GSN: variants seen among roughly 807,000 people sequenced by gnomAD.
GSN encodes actin-depolymerizing factor.
GSN carries 56 observed loss-of-function variants against 85.7 expected under a neutral mutation model. The observed-to-expected ratio is 0.65, with a 90% CI of 0.53 to 0.82. The LOEUF (loss-of-function observed/expected upper bound fraction) is 0.82. GSN is among the 40% of genes least tolerant of loss of function. The pLI, the probability that GSN is intolerant of heterozygous loss-of-function variation, is 0.00. For synonymous variants in GSN, 373 were observed against 399.1 expected (o/e 0.93, Z 0.78); for missense variants, 857 against 979.8 (o/e 0.87, Z 1.67).
Position 121,326,544 on chromosome 9 carries a change from C to T in GSN, c.1449C>T (p.His483=). Residue 483 remains histidine (H), a synonymous_variant, in exon 13 of 18, where the codon CAC becomes CAT. Coordinates refer to ENST00000432226, the MANE Select transcript of GSN (RefSeq NM_198252.3). ...SRVVQGKEPA[H]LMSLFGGKPM... Reference sequence around the variant, plus strand: ...TGGTCCAAGGCAAGGAGCCCGCCCACCTCATGAGCCTGTTTGGTGGGAAGC... The same window carrying T: ...TGGTCCAAGGCAAGGAGCCCGCCCATCTCATGAGCCTGTTTGGTGGGAAGC... 1 of 1,614,030 alleles carries T rather than the reference C, an allele frequency of 6.2e-7. No homozygotes were observed. Among genetic ancestry groups the T allele is most frequent in the Non-Finnish European group, 8.5e-7 (1 of 1,180,018 alleles).
intron 8 of GSN, 173 bp downstream of exon 8, chr9:121,317,391 C>A: frequency 1.4e-6 from 1 of 722,240 alleles, no homozygotes; most frequent in Non-Finnish European, 2.4e-6. Flanking sequence ...TGATCTTGGG[C>A]ACTTTACTTA....
At chr9:121,289,232 G>T (rs1257194220) in intron 2 of GSN, among the ~76,000 whole-genome samples, 4 of 151,954 alleles carry the variant, frequency 2.6e-5, no homozygotes, top group Non-Finnish European at 5.9e-5. Context: ...GAGTGGGAGG[G>T]GCCCAGCGGA....
intron 4 of GSN, chr9:121,309,414 A>C (rs865848608): frequency 2.0e-5 from 3 of 152,308 alleles, no homozygotes; most frequent in Middle Eastern, 3.4e-3. Flanking sequence ...GAGAGGCCTG[A>C]GGCTCGGAAA....
At chr9:121,306,905 G>C (rs984564338) in intron 4 of GSN, among the ~76,000 whole-genome samples, 1 of 152,246 alleles carries the variant, frequency 6.6e-6, no homozygotes, top group Admixed American at 6.5e-5. Flanking sequence ...ATAAGGCCGG[G>C]TGCGGTGGCT....
intron 1 of GSN, among the ~76,000 whole-genome samples, chr9:121,274,735 T>C (rs1328388845): frequency 6.6e-6 from 1 of 152,150 alleles, no homozygotes; most frequent in South Asian, 2.1e-4. Flanking sequence ...AGGGATATTC[T>C]TGCTAAACCG....
upstream of GSN, among the ~76,000 whole-genome samples, chr9:121,203,773 T>C (rs1299915690): frequency 6.6e-6 from 1 of 152,186 alleles, no homozygotes; most frequent in East Asian, 1.9e-4. Flanking sequence ...TAGTAATATC[T>C]CTCTCAAATA....
rs548843650 is a variant in GSN at position 121,300,979 on chromosome 9, C to A, written c.-9-984C>A. On this transcript the variant is annotated intron_variant, in intron 2 of 17. Coordinates refer to ENST00000432226, the MANE Select transcript of GSN (RefSeq NM_198252.3). ...GCTAGCGCCTGCTGTCTGCCAGGCCCCGTGCTGGAAATCTTTCCACTTCCA... is the reference window on the plus strand; with the variant it reads ...GCTAGCGCCTGCTGTCTGCCAGGCCACGTGCTGGAAATCTTTCCACTTCCA... 1.6e-3 allele frequency among the ~76,000 whole-genome samples: 238 copies of A among 152,300 alleles called. 1 individual carries two copies. Among genetic ancestry groups the A allele is most frequent in the African/African-American group, 5.2e-3 (218 of 41,558 alleles).
In GSN at chr9:121,332,569, C is replaced by A. The variant is rs868375413; in HGVS notation, c.2162C>A (p.Pro721His). ...GWDDDYWSVD[P>H]LDRAMAELAA ...GATGATGATTACTGGTCTGTGGACC[C>A]CTTGGACAGGGCCATGGCTGAGCTG... The change falls in exon 18 of 18, where the codon CCC becomes CAC. Residue 721 changes from proline to histidine, a missense_variant. Transcript: ENST00000432226. This position sits in a 1 kb window ranked among gnomAD's most constrained non-coding sequence, Gnocchi z 4.8. The A allele has an allele frequency of 6.2e-7, 1 of 1,613,956 alleles. No individual in the cohort carries two copies. Among genetic ancestry groups the A allele is most frequent in the African/African-American group, 1.3e-5 (1 of 74,898 alleles).
chr9:121,327,145 C>T (rs748485678), intron 13 of GSN, 163 bp from the exon 14 acceptor site: 9 of 767,964 alleles, frequency 1.2e-5, no homozygotes, highest in Non-Finnish European at 1.4e-5. Flanking sequence ...TGGGAGTCAA[C>T]CAAGGCCATC....
chr9:121,312,555 A>T, intron 6 of GSN, 67 bp downstream of exon 6: 2 of 1,192,760 alleles, frequency 1.7e-6, no homozygotes, highest in Non-Finnish European at 2.3e-6. Flanking sequence ...TCTGTTCAGT[A>T]GGCAATTTGA....
intron 1 of GSN, among the ~76,000 whole-genome samples, chr9:121,268,882 CA>C (rs1019683021): frequency 5.3e-5 from 8 of 152,184 alleles, no homozygotes; most frequent in Non-Finnish European, 1.5e-5. Context: ...TCCAGCCCCC[CA>C]GAACCTAAAT....
Position 121,324,751 on chromosome 9 carries a change from GTCCA to G in GSN, c.1416+149_1416+152del, listed in dbSNP as rs57419831. 0.032 allele frequency: 21,752 copies of G among 669,456 alleles called. 387 individuals carry two copies. The highest frequency in any genetic ancestry group is 0.051 in the African/African-American group (2,884 of 56,008). The allele number at this position is 669,456 out of a possible 1,614,324, so 41.5% of individuals were successfully genotyped here. A position where few individuals can be genotyped will look rare whatever the true frequency, so the allele number is the denominator to read the frequency against. ...CATTCGTTTGTCCATCTGTCTGTCT[GTCCA>G]TCCATCCATCCATCCATCCATCCAT... On this transcript the variant is annotated intron_variant, in intron 12 of 17. Coordinates refer to ENST00000432226, the MANE Select transcript of GSN (RefSeq NM_198252.3).
intron 4 of GSN, among the ~76,000 whole-genome samples, chr9:121,217,321 G>A (rs12340638): frequency 0.043 from 6,538 of 150,556 alleles, 357 homozygotes; most frequent in East Asian, 0.15. Context: ...AGCCAAGATC[G>A]CACCATTGCA....
chr9:121,248,784 G>A (rs2054753967), intron 6 of GSN, among the ~76,000 whole-genome samples: 1 of 142,816 alleles, frequency 7.0e-6, no homozygotes, highest in African/African-American at 2.4e-5. Context: ...TAGATTATTG[G>A]TGGGGTGGGC....
intron 4 of GSN, among the ~76,000 whole-genome samples, chr9:121,221,964 A>C (rs2132113470): frequency 6.6e-6 from 1 of 152,290 alleles, no homozygotes; most frequent in East Asian, 1.9e-4. Context: ...TCCTTAGATA[A>C]ATAACCAAGC....
intron 5 of GSN, among the ~76,000 whole-genome samples, chr9:121,235,726 C>G (rs943660784): frequency 1.1e-4 from 17 of 152,110 alleles, no homozygotes; most frequent in Non-Finnish European, 2.4e-4. Context: ...AACCCAGGCC[C>G]GGAAATGACA....
At chr9:121,220,973 G>A (rs568436990) in intron 4 of GSN, among the ~76,000 whole-genome samples, 109 of 152,286 alleles carry the variant, frequency 7.2e-4, no homozygotes, top group African/African-American at 2.5e-3. Flanking sequence ...TTCGTTTGTT[G>A]AAATGTCAAA....
intron 1 of GSN, among the ~76,000 whole-genome samples, chr9:121,271,432 G>T (rs933461167): frequency 6.6e-6 from 1 of 152,146 alleles, no homozygotes; most frequent in African/African-American, 2.4e-5. Flanking sequence ...TTGATTCCTT[G>T]CAACCATTCC....
intron 4 of GSN, among the ~76,000 whole-genome samples, chr9:121,305,817 C>T (rs1201639170): frequency 6.6e-6 from 1 of 152,250 alleles, no homozygotes; most frequent in African/African-American, 2.4e-5. Flanking sequence ...TCTGCCCCCG[C>T]ACTTGGCAGG....
Sources: allele counts gnomAD v4.1 joint callset (sites outside exome capture counted in the v4.1 genomes callset), GRCh38; gene constraint gnomAD v4.1.1; non-coding constraint Gnocchi (gnomAD v3.1); transcripts MANE v1.5; gene names NCBI Gene and HGNC (gene_info 2026-07-23, HGNC 2026-07-21).